The following KCNQ3 variants were observed in gnomAD, a reference collection of about 807,000 sequenced individuals.
KCNQ3 encodes potassium voltage-gated channel subfamily KQT member 3.
A neutral mutation model predicts 92.5 loss-of-function variants in KCNQ3; 30 were observed. The observed-to-expected ratio is 0.32, with a 90% CI of 0.24 to 0.44. The LOEUF (loss-of-function observed/expected upper bound fraction) is 0.44. KCNQ3 is among the 20% of genes least tolerant of loss of function. The probability of loss-of-function intolerance (pLI) is 1.00; values close to 1 mark genes in which losing one functional copy is unlikely to be tolerated. For missense variants in KCNQ3, 913 were observed against 1,140.3 expected, an observed-to-expected ratio of 0.80 and a Z score of 2.87; for synonymous variants, 450 against 468.8, an observed-to-expected ratio of 0.96 and a Z score of 0.52.
intron 1 of KCNQ3, among the ~76,000 whole-genome samples, chr8:132,240,802 G>C (rs1428788596): frequency 1.3e-5 from 2 of 152,202 alleles, no homozygotes; most frequent in Non-Finnish European, 2.9e-5. Context: ...TAGTCAATGA[G>C]AGTCTATTAT....
intron 1 of KCNQ3, among the ~76,000 whole-genome samples, chr8:132,189,888 C>CAAAAAAAAAAA (rs776683880): frequency 1.6e-5 from 1 of 64,080 alleles, no homozygotes; most frequent in Non-Finnish European, 2.7e-5. Context: ...TAAAAATGAC[C>CAAAAAAAAAAA]AAAAAAAAAA....
intron 1 of KCNQ3, among the ~76,000 whole-genome samples, chr8:132,345,135 T>C (rs1818647721): frequency 6.6e-6 from 1 of 152,130 alleles, no homozygotes; most frequent in African/African-American, 2.4e-5. Context: ...CACTAGAATT[T>C]ATGACTCTGA....
At chr8:132,195,817 A>G (rs1827283968) in intron 1 of KCNQ3, among the ~76,000 whole-genome samples, 1 of 152,194 alleles carries the variant, frequency 6.6e-6, no homozygotes, top group Admixed American at 6.5e-5. Flanking sequence ...GAAAAGATAG[A>G]AAATGCTATT....
intron 1 of KCNQ3, among the ~76,000 whole-genome samples, chr8:132,368,683 T>G (rs1319824062): frequency 1.3e-5 from 2 of 152,100 alleles, no homozygotes; most frequent in Non-Finnish European, 2.9e-5. Context: ...AAAAATATTT[T>G]AAAAAGAAAT....
rs77480667 is a variant in KCNQ3 at position 132,290,993 on chromosome 8, G to A, written c.387-104812C>T. On this transcript the variant is annotated intron_variant, in intron 1 of 14. Transcript: ENST00000388996. Reference sequence around the variant, plus strand: ...AGTGCCATGGAAGCTAAAAGAAGACGAGATTTCAAGAAGTGCTGAATACTG... The same window carrying A: ...AGTGCCATGGAAGCTAAAAGAAGACAAGATTTCAAGAAGTGCTGAATACTG... 9.0e-3 allele frequency among the ~76,000 whole-genome samples: 1,364 copies of A among 152,264 alleles called. 21 individuals carry two copies. Among genetic ancestry groups the A allele is most frequent in the African/African-American group, 0.031 (1,293 of 41,540 alleles).
chr8:132,316,157 G>A (rs879743378), intron 1 of KCNQ3, among the ~76,000 whole-genome samples: 7 of 151,964 alleles, frequency 4.6e-5, no homozygotes, highest in Non-Finnish European at 8.8e-5. Context: ...ATAAGCCATC[G>A]TGATTAAATG....
intron 1 of KCNQ3, among the ~76,000 whole-genome samples, chr8:132,366,285 G>A (rs1001406989): frequency 1.3e-5 from 2 of 151,880 alleles, no homozygotes; most frequent in African/African-American, 2.4e-5. Context: ...ATTGTATATC[G>A]ATTTCTATAT....
intron 6 of KCNQ3, among the ~76,000 whole-genome samples, chr8:132,173,882 A>G (rs893029329): frequency 6.6e-6 from 1 of 152,260 alleles, no homozygotes; most frequent in African/African-American, 2.4e-5. Context: ...AATGAAAAAT[A>G]TAATCCCAGA....
intron 1 of KCNQ3, among the ~76,000 whole-genome samples, chr8:132,400,012 G>A (rs1586986924): frequency 6.6e-6 from 1 of 152,188 alleles, no homozygotes; most frequent in Non-Finnish European, 1.5e-5. Context: ...GACAAGGAAG[G>A]GGTAGGTGCA....
chr8:132,461,766 C>T (rs1822066634), intron 1 of KCNQ3, among the ~76,000 whole-genome samples: 1 of 152,170 alleles, frequency 6.6e-6, no homozygotes, highest in Non-Finnish European at 1.5e-5. Flanking sequence ...ATTTACAATT[C>T]CCTAACGAAA....
intron 9 of KCNQ3, among the ~76,000 whole-genome samples, chr8:132,151,770 A>C (rs1825642302): frequency 6.6e-6 from 1 of 152,194 alleles, no homozygotes; most frequent in African/African-American, 2.4e-5. Context: ...GTGTTTCCTG[A>C]TATCTGGATT....
intron 1 of KCNQ3, among the ~76,000 whole-genome samples, chr8:132,213,245 C>G (rs889067829): frequency 6.6e-6 from 1 of 152,194 alleles, no homozygotes; most frequent in Admixed American, 6.5e-5. Flanking sequence ...CAGAGCTTAA[C>G]TGTCCCTTCC....
chr8:132,318,608 C>G (rs147413828), intron 1 of KCNQ3, among the ~76,000 whole-genome samples: 13 of 152,146 alleles, frequency 8.5e-5, no homozygotes, highest in Admixed American at 7.9e-4. Flanking sequence ...TGTTGCAGCT[C>G]GCTTGTCAGC....
At chr8:132,383,805 G>A (rs1490115184) in intron 1 of KCNQ3, among the ~76,000 whole-genome samples, 1 of 152,172 alleles carries the variant, frequency 6.6e-6, no homozygotes, top group African/African-American at 2.4e-5. Context: ...GATCAGATCG[G>A]CCTCTGAGCA....
intron 1 of KCNQ3, among the ~76,000 whole-genome samples, chr8:132,373,516 A>G (rs1819529935): frequency 6.6e-6 from 1 of 152,218 alleles, no homozygotes; most frequent in Admixed American, 6.5e-5. Context: ...TCACCTACCT[A>G]CATTTAACTA....
At chr8:132,451,984 G>T (rs1352541221) in intron 1 of KCNQ3, among the ~76,000 whole-genome samples, 1 of 152,124 alleles carries the variant, frequency 6.6e-6, no homozygotes, top group Non-Finnish European at 1.5e-5. Flanking sequence ...GAGTTGGAGG[G>T]CACCTTTAAA....
At chr8:132,135,032 C>A (rs989344586) in intron 12 of KCNQ3, among the ~76,000 whole-genome samples, 1 of 152,110 alleles carries the variant, frequency 6.6e-6, no homozygotes. Context: ...AAGTTTGTTA[C>A]ATAGGTAAAC....
At chr8:132,186,956 C>CAGAGAGAGAGAGAGAGAGAGAGAG (rs1160355665) in intron 1 of KCNQ3, among the ~76,000 whole-genome samples, 16 of 94,238 alleles carry the variant, frequency 1.7e-4, no homozygotes, top group East Asian at 3.1e-4. Flanking sequence ...GAGAGAGAGA[C>CAGAGAGAGAGAGAGAGAGAGAGAG]AGAGAGAGAG....
At chr8:132,192,000 G>A (rs1827176324) in intron 1 of KCNQ3, among the ~76,000 whole-genome samples, 1 of 152,196 alleles carries the variant, frequency 6.6e-6, no homozygotes, top group Non-Finnish European at 1.5e-5. Context: ...GGTCCAAGTG[G>A]AAATCTCCAT....
Sources: gnomAD v4.1 joint callset for allele counts (sites outside exome capture counted in the v4.1 genomes callset) on GRCh38, gnomAD v4.1.1 for gene constraint, MANE v1.5 for transcripts, NCBI Gene and HGNC (gene_info 2026-07-23, HGNC 2026-07-21) for gene names.